Variants in MARCHF6 observed in about 807,000 individuals in gnomAD.
The protein encoded by MARCHF6 is E3 ubiquitin-protein ligase MARCHF6.
MARCHF6 carries 31 observed loss-of-function variants against 133.7 expected under a neutral mutation model. The observed-to-expected ratio is 0.23, with a 90% CI of 0.17 to 0.31. MARCHF6 has a LOEUF of 0.31. Among genes scored for constraint, MARCHF6 ranks in the 10% least tolerant of loss-of-function variants. The probability of loss-of-function intolerance (pLI) is 1.00; values close to 1 mark genes in which losing one functional copy is unlikely to be tolerated. For missense variants in MARCHF6, 723 were observed against 1,121.6 expected (o/e 0.64, Z 5.08); for synonymous variants, 395 against 402.5 (o/e 0.98, Z 0.22).
In MARCHF6 at chr5:10,383,007, T is replaced by C. The variant is rs116706456; in HGVS notation, c.334+1064T>C. ...TCTTATAGACATGGAGAGAAGTACA[T>C]AGTATATGGGAGGCAGAGTATATAG... On this transcript the variant is annotated intron_variant, in intron 4 of 25. Coordinates refer to ENST00000274140, the MANE Select transcript of MARCHF6 (RefSeq NM_005885.4). 6.4e-3 allele frequency among the ~76,000 whole-genome samples: 981 copies of C among 152,180 alleles called. 13 individuals carry two copies. The highest frequency in any genetic ancestry group is 0.022 in the African/African-American group (926 of 41,516).
intron 4 of MARCHF6, among the ~76,000 whole-genome samples, chr5:10,382,986 A>G (rs1354486140): frequency 6.6e-6 from 1 of 152,164 alleles, no homozygotes; most frequent in African/African-American, 2.4e-5. Flanking sequence ...TGTTGTTCTT[A>G]TAGACATGGA....
chr5:10,405,445 C>A, intron 15 of MARCHF6, 113 bp from the exon 16 acceptor site: 1 of 837,420 alleles, frequency 1.2e-6, no homozygotes, highest in South Asian at 2.3e-5. Context: ...TTCTGGGGCC[C>A]ACTTTAGATG....
chr5:10,385,228 A>G (rs531841271), intron 4 of MARCHF6, among the ~76,000 whole-genome samples: 7 of 152,342 alleles, frequency 4.6e-5, no homozygotes, highest in African/African-American at 1.7e-4. Flanking sequence ...GGGAGCTGGA[A>G]GTGTTGAACA....
chr5:10,356,224 C>G (rs2126629091), intron 1 of MARCHF6, among the ~76,000 whole-genome samples: 1 of 151,544 alleles, frequency 6.6e-6, no homozygotes, highest in South Asian at 2.1e-4. Context: ...TTTTTTAAAT[C>G]TGCTTAGAAA....
At chr5:10,380,943 G>A (rs200343103) in intron 3 of MARCHF6, among the ~76,000 whole-genome samples, 3 of 145,994 alleles carry the variant, frequency 2.1e-5, no homozygotes, top group African/African-American at 7.7e-5. Context: ...AAAAAAAAAA[G>A]GTGCTATTTG....
intron 4 of MARCHF6, 31 bp downstream of exon 4, chr5:10,381,974 T>G (rs1182485327): frequency 6.3e-7 from 1 of 1,593,826 alleles, no homozygotes; most frequent in Non-Finnish European, 8.6e-7. Context: ...TTGGAGTTAT[T>G]TAAACATTGC....
At chr5:10,383,988 G>A (rs531326590) in intron 4 of MARCHF6, among the ~76,000 whole-genome samples, 1 of 152,226 alleles carries the variant, frequency 6.6e-6, no homozygotes, top group Admixed American at 6.5e-5. Flanking sequence ...TAACTACCCA[G>A]AACTGGACTC....
intron 11 of MARCHF6, 144 bp downstream of exon 11, chr5:10,400,986 TA>T (rs1002397943): frequency 4.1e-5 from 25 of 615,604 alleles, no homozygotes; most frequent in Admixed American, 9.0e-5. Flanking sequence ...CATTCTTTTT[TA>T]AAAAAAATAA....
chr5:10,391,467 CA>C, intron 6 of MARCHF6, 74 bp from the exon 7 acceptor site: 1 of 146,080 alleles, frequency 6.8e-6, no homozygotes, highest in Non-Finnish European at 1.2e-5. Context: ...TTTTTTTTAG[CA>C]GGAATAATGT....
intron 19 of MARCHF6, 98 bp from the exon 20 acceptor site, chr5:10,414,335 G>A (rs1310975443): frequency 2.8e-6 from 2 of 713,842 alleles, no homozygotes; most frequent in African/African-American, 3.6e-5. Flanking sequence ...CGCAAATATA[G>A]ATGATTTCTT....
At position 10,365,410 on chromosome 5, in the gene MARCHF6, C is replaced by T. The variant is rs112914552; in HGVS notation, c.19+11493C>T. Among the ~76,000 whole-genome samples, 131 of 152,082 alleles carry T rather than the reference C, an allele frequency of 8.6e-4. 2 individuals are homozygous for T. The highest frequency in any genetic ancestry group is 2.9e-3 in the African/African-American group (122 of 41,466). ...CCGCCTCCCGGGTTCAAGCGATTCTCCTGCCTCAGCCTCCCGAGTAGCTGG... is the reference window on the plus strand; with the variant it reads ...CCGCCTCCCGGGTTCAAGCGATTCTTCTGCCTCAGCCTCCCGAGTAGCTGG... On this transcript the variant is annotated intron_variant, in intron 1 of 25. Coordinates refer to ENST00000274140, the MANE Select transcript of MARCHF6 (RefSeq NM_005885.4).
At chr5:10,366,680 C>G (rs1323435465) in intron 1 of MARCHF6, among the ~76,000 whole-genome samples, 1 of 152,196 alleles carries the variant, frequency 6.6e-6, no homozygotes, top group Admixed American at 6.5e-5. Flanking sequence ...GCTTCCACAG[C>G]CCTTAGAATT....
At chr5:10,371,871 A>G (rs1196614200) in intron 1 of MARCHF6, among the ~76,000 whole-genome samples, 1 of 152,130 alleles carries the variant, frequency 6.6e-6, no homozygotes, top group African/African-American at 2.4e-5. Flanking sequence ...GCTGGCTGGC[A>G]TCTATAATCC....
At chr5:10,408,603 A>G (rs936683214) in intron 17 of MARCHF6, among the ~76,000 whole-genome samples, 5 of 152,156 alleles carry the variant, frequency 3.3e-5, no homozygotes, top group African/African-American at 1.2e-4. Flanking sequence ...CAGTGGTATG[A>G]TCATGGCTCA....
At chr5:10,366,055 C>T (rs976849271) in intron 1 of MARCHF6, among the ~76,000 whole-genome samples, 1 of 152,102 alleles carries the variant, frequency 6.6e-6, no homozygotes, top group Non-Finnish European at 1.5e-5. Context: ...ACCTCAGCCT[C>T]CTGAGTAGCT....
intron 1 of MARCHF6, among the ~76,000 whole-genome samples, chr5:10,360,037 C>T (rs986222273): frequency 3.3e-5 from 5 of 150,822 alleles, no homozygotes; most frequent in South Asian, 2.1e-4. Flanking sequence ...GTGTATTAAT[C>T]TACTGTTTAT....
At position 10,397,149 on chromosome 5, in the gene MARCHF6, A is replaced by G. The variant is rs1288947391; in HGVS notation, c.862-144A>G. 8 of 539,528 alleles carry G rather than the reference A, an allele frequency of 1.5e-5. No homozygotes were observed. In the Admixed American group the frequency reaches 2.7e-4, roughly 18 times the overall value. The allele number at this position is 539,528 out of a possible 1,614,324, so 33.4% of individuals were successfully genotyped here. On this transcript the variant is annotated intron_variant, in intron 9 of 25. Coordinates refer to ENST00000274140, the MANE Select transcript of MARCHF6 (RefSeq NM_005885.4). ...AAAATGAAAGTTACATATTATGTCTAGATTGAAATCCCAAAACAATAGAGG... is the reference window on the plus strand; with the variant it reads ...AAAATGAAAGTTACATATTATGTCTGGATTGAAATCCCAAAACAATAGAGG...
At chr5:10,405,439 G>T (rs1738828128) in intron 15 of MARCHF6, 119 bp from the exon 16 acceptor site, 2 of 770,834 alleles carry the variant, frequency 2.6e-6, no homozygotes, top group Non-Finnish European at 3.8e-6. Flanking sequence ...TACATTTTCT[G>T]GGGCCCACTT....
chr5:10,353,924 C>G lies in MARCHF6; in HGVS notation c.19+7C>G. 1 of 1,551,726 alleles carries G rather than the reference C, an allele frequency of 6.4e-7. No individual in the cohort carries two copies. The highest frequency in any genetic ancestry group is 1.2e-5 in the South Asian group (1 of 84,764). On this transcript the variant is annotated splice_region_variant and intron_variant, in intron 1 of 25. Transcript: ENST00000274140. ...ATGGACACCGCGGAGGAAGGTAAGT[C>G]GGCGACGCGCGGCGCCCGAGCCCTT...
Sources: gnomAD v4.1 joint callset for allele counts (sites outside exome capture counted in the v4.1 genomes callset) on GRCh38, gnomAD v4.1.1 for gene constraint, MANE v1.5 for transcripts, NCBI Gene and HGNC (gene_info 2026-07-23, HGNC 2026-07-21) for gene names.